The following VASN variants were observed in gnomAD, a reference collection of about 807,000 sequenced individuals.
VASN encodes the protein vasorin.
A neutral mutation model predicts 4.8 loss-of-function variants in VASN; 5 were observed. That is an observed-to-expected ratio of 1.03 (90% CI 0.54 to 2.17). The LOEUF is 2.17. Ranked by LOEUF, VASN falls within the 30% of genes most tolerant of loss-of-function variation. The probability of loss-of-function intolerance (pLI) is 0.01; values close to 1 mark genes in which losing one functional copy is unlikely to be tolerated. For synonymous variants in VASN, 499 were observed against 460.8 expected, an observed-to-expected ratio of 1.08 and a Z score of -1.06; for missense variants, 927 against 948.8, an observed-to-expected ratio of 0.98 and a Z score of 0.30.
rs1056596234 is a variant in VASN, at chr16:4,381,648, C to T, written c.771C>T (p.Pro257=). ...AGNTRIAQLR[P]EDLAGLAALQ... ...ACACCCGCATTGCCCAGCTGCGGCCCGAGGACCTGGCCGGCCTGGCTGCCC... is the reference window on the plus strand; with the variant it reads ...ACACCCGCATTGCCCAGCTGCGGCCTGAGGACCTGGCCGGCCTGGCTGCCC... Residue 257 remains proline (P), a synonymous_variant, in exon 2 of 2, where the codon CCC becomes CCT. Transcript: ENST00000304735. The T allele has an allele frequency of 7.5e-6, 12 of 1,601,238 alleles. No individual in the cohort carries two copies. The Admixed American group carries it at 8.5e-5, about 11-fold the overall frequency.
intron 1 of VASN, among the ~76,000 whole-genome samples, chr16:4,372,919 G>A (rs759786539): frequency 2.0e-5 from 3 of 152,160 alleles, no homozygotes; most frequent in Non-Finnish European, 2.9e-5. Context: ...GAGAGGCAGC[G>A]GGACCTAGAG....
intron 1 of VASN, among the ~76,000 whole-genome samples, chr16:4,375,484 C>G (rs1464297041): frequency 2.0e-5 from 3 of 151,730 alleles, no homozygotes; most frequent in African/African-American, 7.3e-5. Context: ...GGGTCTCACT[C>G]CTAGACATTC....
intron 1 of VASN, among the ~76,000 whole-genome samples, chr16:4,379,681 A>G (rs2054879785): frequency 6.6e-6 from 1 of 151,842 alleles, no homozygotes; most frequent in Admixed American, 6.6e-5. Context: ...AAGGACTTGC[A>G]CCATCACTGC....
At chr16:4,376,650 G>A (rs1207429464) in intron 1 of VASN, among the ~76,000 whole-genome samples, 3 of 152,156 alleles carry the variant, frequency 2.0e-5, no homozygotes, top group Non-Finnish European at 4.4e-5. Context: ...GACCCTGGGC[G>A]TGTGTGGTGT....
intron 1 of VASN, among the ~76,000 whole-genome samples, chr16:4,375,654 AT>A (rs1433240034): frequency 6.6e-6 from 1 of 152,052 alleles, no homozygotes; most frequent in Non-Finnish European, 1.5e-5. Context: ...GGCCTGGCTA[AT>A]TTTTTTGTAT....
chr16:4,380,095 G>A (rs1015944084), intron 1 of VASN, among the ~76,000 whole-genome samples: 19 of 150,860 alleles, frequency 1.3e-4, no homozygotes, highest in South Asian at 4.2e-4. Flanking sequence ...TGACTCTGCA[G>A]AGTTTTCCCA....
rs957016383 is a variant in VASN at position 4,383,112 on chromosome 16, A to G, written c.*213A>G. 3 of 568,844 alleles carry G rather than the reference A, an allele frequency of 5.3e-6. No homozygotes were observed. Among genetic ancestry groups the G allele is most frequent in the Non-Finnish European group, 9.1e-6 (3 of 329,164 alleles). The allele number at this position is 568,844 out of a possible 1,614,324, so 35.2% of individuals were successfully genotyped here. On this transcript the variant is annotated 3_prime_UTR_variant, in exon 2 of 2. Coordinates refer to ENST00000304735, the MANE Select transcript of VASN (RefSeq NM_138440.3). ...AGCTGACGAGCCCTAACGTCCCCAG[A>G]ACCGAGTGCCTATGAGGACAGTGTC...
chr16:4,382,442 T>A lies in VASN; in HGVS notation c.1565T>A (p.Val522Asp). Residue 522 changes from valine to aspartate, a missense_variant, in exon 2 of 2, where the codon GTC becomes GAC. By Grantham distance (152) the Val-to-Asp change is radical. Coordinates refer to ENST00000304735, the MANE Select transcript of VASN (RefSeq NM_138440.3). ...CCTGCCTCGCTCGCTGAGTACACGG[T>A]CACCCAGCTGCGGCCCAACGCCACT... Reference protein sequence around the residue: ...RLPASLAEYTVTQLRPNATYS... With the variant: ...RLPASLAEYTDTQLRPNATYS... 1 of 1,610,262 alleles carries A rather than the reference T, an allele frequency of 6.2e-7. No homozygotes were observed. The highest frequency in any genetic ancestry group is 8.5e-7 in the Non-Finnish European group (1 of 1,178,828).
chr16:4,372,568 G>A (rs2054574970), intron 1 of VASN, among the ~76,000 whole-genome samples: 2 of 152,160 alleles, frequency 1.3e-5, no homozygotes, highest in Admixed American at 6.5e-5. Flanking sequence ...TTAGAGCTTC[G>A]GGTATCAGGC....
Position 4,382,383 on chromosome 16 carries a change from G to A in VASN, c.1506G>A (p.Ser502=), listed in dbSNP as rs753432185. The A allele has an allele frequency of 2.5e-5, 40 of 1,612,136 alleles. No homozygotes were observed. The highest frequency in any genetic ancestry group is 1.3e-4 in the Admixed American group (8 of 59,966). ...RSLRLTYRNL[S]GPDKRLVTLR... ...TCCGTCTCACCTATCGCAACCTATC[G>A]GGCCCTGATAAGCGGCTGGTGACGC... Residue 502 remains serine, a synonymous_variant, in exon 2 of 2, where the codon TCG becomes TCA. Transcript: ENST00000304735.
rs1396632981 is a variant in VASN at position 4,382,502 on chromosome 16, G to C, written c.1625G>C (p.Arg542Pro). 6.3e-7 allele frequency: 1 copy of C among 1,592,106 alleles called. No individual in the cohort carries two copies. Among genetic ancestry groups the C allele is most frequent in the Non-Finnish European group, 8.6e-7 (1 of 1,169,078 alleles). ...SVCVMPLGPG[R>P]VPEGEEACGE... ...TGTGTCATGCCTTTGGGGCCCGGGCGGGTGCCGGAGGGCGAGGAGGCCTGC... is the reference window on the plus strand; with the variant it reads ...TGTGTCATGCCTTTGGGGCCCGGGCCGGTGCCGGAGGGCGAGGAGGCCTGC... Residue 542 changes from arginine (R) to proline (P), a missense_variant, in exon 2 of 2, where the codon CGG becomes CCG. Arg to Pro is a moderately radical substitution (Grantham distance 103). Coordinates refer to ENST00000304735, the MANE Select transcript of VASN (RefSeq NM_138440.3).
intron 1 of VASN, among the ~76,000 whole-genome samples, chr16:4,377,428 G>A (rs1007777058): frequency 1.3e-5 from 2 of 152,044 alleles, no homozygotes; most frequent in Non-Finnish European, 2.9e-5. Context: ...CCAAGCACAC[G>A]CCCAGACCCC....
chr16:4,382,528 G>A lies in VASN; in HGVS notation c.1651G>A (p.Gly551Arg), dbSNP rs367830549. The A allele has an allele frequency of 2.3e-5, 36 of 1,593,208 alleles. No individual in the cohort carries two copies. The African/African-American group carries it at 3.9e-4, about 17-fold the overall frequency. ...GGTGCCGGAGGGCGAGGAGGCCTGC[G>A]GGGAGGCCCATACACCCCCAGCCGT... is the stretch of plus-strand genomic sequence containing the variant. ...GRVPEGEEAC[G>R]EAHTPPAVHS... is the part of the protein sequence containing the mutation. The change falls in exon 2 of 2, where the codon GGG becomes AGG. Residue 551 changes from glycine (G) to arginine (R), a missense_variant. Physicochemically the swap from Gly to Arg is moderately radical, Grantham distance 125. Transcript: ENST00000304735.
chr16:4,379,039 T>G (rs1357950677), intron 1 of VASN, among the ~76,000 whole-genome samples: 1 of 152,038 alleles, frequency 6.6e-6, no homozygotes, highest in African/African-American at 2.4e-5. Context: ...GTGACTTGTC[T>G]AATCTGTCCT....
chr16:4,374,953 A>G (rs1167767404), intron 1 of VASN, among the ~76,000 whole-genome samples: 1 of 151,716 alleles, frequency 6.6e-6, no homozygotes, highest in Admixed American at 6.6e-5. Flanking sequence ...GGGACAGGGC[A>G]GTGAGGAGGC....
intron 1 of VASN, among the ~76,000 whole-genome samples, chr16:4,377,024 G>GGCACCACGA (rs780689219): frequency 1.3e-5 from 2 of 152,166 alleles, no homozygotes; most frequent in Non-Finnish European, 2.9e-5. Flanking sequence ...CCCAGACACA[G>GGCACCACGA]GCACCACGAG....
chr16:4,376,715 C>G (rs2054744753), intron 1 of VASN, among the ~76,000 whole-genome samples: 2 of 152,132 alleles, frequency 1.3e-5, no homozygotes, highest in Admixed American at 1.3e-4. Context: ...GTGCCTTGTC[C>G]TCCTTACTCA....
rs921612288 is a variant in VASN, at chr16:4,381,620, G to A, written c.743G>A (p.Gly248Asp). ...GGCCTGACGCGCCTGCGGCTGGCCGGCAACACCCGCATTGCCCAGCTGCGG... is the reference window on the plus strand; with the variant it reads ...GGCCTGACGCGCCTGCGGCTGGCCGACAACACCCGCATTGCCCAGCTGCGG... ...LRGLTRLRLA[G>D]NTRIAQLRPE... The change falls in exon 2 of 2, where the codon GGC becomes GAC. Residue 248 changes from glycine to aspartate, a missense_variant. By Grantham distance (94) the Gly-to-Asp change is moderately conservative. Coordinates refer to ENST00000304735, the MANE Select transcript of VASN (RefSeq NM_138440.3). 11 of 1,597,102 alleles carry A rather than the reference G, an allele frequency of 6.9e-6. No individual in the cohort carries two copies. Among genetic ancestry groups the A allele is most frequent in the Non-Finnish European group, 9.4e-6 (11 of 1,172,722 alleles).
chr16:4,378,339 G>GTGGCCAGGC (rs141346072), intron 1 of VASN, among the ~76,000 whole-genome samples: 1 of 152,250 alleles, frequency 6.6e-6, no homozygotes, highest in Non-Finnish European at 1.5e-5. Flanking sequence ...GGCCACAGTG[G>GTGGCCAGGC]TGGCCAGGCT....
Sources: gnomAD v4.1 joint callset for allele counts (sites outside exome capture counted in the v4.1 genomes callset) on GRCh38, gnomAD v4.1.1 for gene constraint, MANE v1.5 for transcripts, NCBI Gene and HGNC (gene_info 2026-07-23, HGNC 2026-07-21) for gene names.